The following RALGAPA1 variants were observed in gnomAD, a reference collection of about 807,000 sequenced individuals.
RALGAPA1 encodes ral GTPase-activating protein subunit alpha-1.
RALGAPA1 carries 52 observed loss-of-function variants against 269.6 expected under a neutral mutation model. The observed-to-expected ratio is 0.19, with a 90% CI of 0.15 to 0.24. The LOEUF (loss-of-function observed/expected upper bound fraction) is 0.24. Among genes scored for constraint, RALGAPA1 ranks in the 10% least tolerant of loss-of-function variants. RALGAPA1 has a pLI of 1.00. For synonymous variants in RALGAPA1, 817 were observed against 1,008.3 expected (o/e 0.81, Z 3.60); for missense variants, 1,917 against 3,013.9 (o/e 0.64, Z 8.52).
At chr14:35,708,364 G>T (rs541028368) in intron 16 of RALGAPA1, among the ~76,000 whole-genome samples, 1 of 151,898 alleles carries the variant, frequency 6.6e-6, no homozygotes, top group East Asian at 2.0e-4. Flanking sequence ...TCTGACAAGG[G>T]ATTAATAACT....
intron 31 of RALGAPA1, among the ~76,000 whole-genome samples, chr14:35,645,189 A>G (rs1403420119): frequency 6.6e-6 from 1 of 152,178 alleles, no homozygotes; most frequent in East Asian, 1.9e-4. Flanking sequence ...CTCTCTTCTT[A>G]TAAGGGCACT....
In RALGAPA1 at chr14:35,776,876, T is replaced by A. The variant is rs560997820; in HGVS notation, c.107-1131A>T. 2.2e-3 allele frequency among the ~76,000 whole-genome samples: 342 copies of A among 152,202 alleles called. 4 individuals carry two copies. Among genetic ancestry groups the A allele is most frequent in the African/African-American group, 7.9e-3 (329 of 41,522 alleles). The stretch of plus-strand genomic sequence containing the variant: ...CTAGAACTTAGAGTATAATAAAAAT[T>A]TTTTTTAAATTTACTATTTACTATG... On this transcript the variant is annotated intron_variant, in intron 1 of 41. Transcript: ENST00000680220.
intron 4 of RALGAPA1, among the ~76,000 whole-genome samples, chr14:35,765,121 A>G (rs1316910728): frequency 2.0e-5 from 3 of 152,200 alleles, no homozygotes; most frequent in African/African-American, 7.2e-5. Flanking sequence ...CATCTCAATC[A>G]TATTTCAAGT....
chr14:35,753,559 C>T (rs1023252047), intron 7 of RALGAPA1, among the ~76,000 whole-genome samples: 16 of 152,108 alleles, frequency 1.1e-4, no homozygotes, highest in Non-Finnish European at 1.9e-4. Flanking sequence ...ACCTTGAAAA[C>T]ATTTGCTAAG....
chr14:35,766,736 C>G (rs1484503461), intron 4 of RALGAPA1: 1 of 541,680 alleles, frequency 1.8e-6, no homozygotes, highest in Non-Finnish European at 3.7e-6. Context: ...AAGTGAGATG[C>G]CTCATTGCTA....
At chr14:35,595,062 A>C (rs145783192) in intron 37 of RALGAPA1, among the ~76,000 whole-genome samples, 2 of 152,024 alleles carry the variant, frequency 1.3e-5, no homozygotes, top group African/African-American at 4.8e-5. Context: ...AAAATATTGC[A>C]TGGTATCACT....
chr14:35,649,169 G>C (rs1032279687), intron 31 of RALGAPA1, among the ~76,000 whole-genome samples: 1 of 152,162 alleles, frequency 6.6e-6, no homozygotes, highest in Non-Finnish European at 1.5e-5. Context: ...AACAAACTGA[G>C]AACTGAAACT....
intron 28 of RALGAPA1, 56 bp from the exon 29 acceptor site, chr14:35,655,971 T>A (rs980166169): frequency 4.4e-6 from 7 of 1,608,412 alleles, no homozygotes; most frequent in Middle Eastern, 1.7e-4. Context: ...ACCACAAACA[T>A]GACCCACAAT....
intron 1 of RALGAPA1, among the ~76,000 whole-genome samples, chr14:35,808,517 A>T (rs2077536706): frequency 6.6e-6 from 1 of 152,214 alleles, no homozygotes; most frequent in Admixed American, 6.5e-5. Context: ...CAGACTATTA[A>T]CTCAAAATTA....
chr14:35,602,242 G>A (rs761851838), intron 36 of RALGAPA1, among the ~76,000 whole-genome samples: 16 of 152,070 alleles, frequency 1.1e-4, no homozygotes, highest in Admixed American at 5.9e-4. Context: ...TGTTTCTACC[G>A]TTTTGCTAGA....
chr14:35,768,687 C>T (rs1198372737), intron 4 of RALGAPA1, among the ~76,000 whole-genome samples: 4 of 151,732 alleles, frequency 2.6e-5, no homozygotes. Flanking sequence ...GAATAAGATC[C>T]TGTCTCTTAA....
chr14:35,557,168 G>A (rs373585626), intron 39 of RALGAPA1, among the ~76,000 whole-genome samples: 1 of 147,944 alleles, frequency 6.8e-6, no homozygotes, highest in Non-Finnish European at 1.5e-5. Context: ...AAAGTTGTAC[G>A]AAGCAAAACA....
At chr14:35,687,052 C>A (rs1274403562) in intron 18 of RALGAPA1, among the ~76,000 whole-genome samples, 1 of 152,052 alleles carries the variant, frequency 6.6e-6, no homozygotes. Flanking sequence ...GGAATACATC[C>A]TTTGAATCTA....
intron 16 of RALGAPA1, chr14:35,716,243 A>G (rs777419420): frequency 7.6e-5 from 15 of 196,866 alleles, no homozygotes; most frequent in African/African-American, 1.4e-4. Flanking sequence ...AAATACAAAA[A>G]TTAGCTAGGC....
chr14:35,806,903 C>T (rs1028506896), intron 1 of RALGAPA1, among the ~76,000 whole-genome samples: 2 of 152,102 alleles, frequency 1.3e-5, no homozygotes, highest in African/African-American at 4.8e-5. Context: ...GTATTTCAAA[C>T]AAAATAACGA....
In RALGAPA1 at chr14:35,627,253, G is replaced by A. The variant is rs2061052706; in HGVS notation, c.6694C>T (p.Leu2232Phe). Residue 2232 changes from leucine to phenylalanine, a missense_variant, in exon 34 of 42, where the codon CTT becomes TTT. Leu to Phe is a conservative substitution (Grantham distance 22). Coordinates refer to ENST00000680220, the MANE Select transcript of RALGAPA1 (RefSeq NM_001346249.2). ...KQENDVINAI[L>F]KQHTEEKEFV... ...TCTTTTTCTTCTGTATGTTGCTTAA[G>A]GATAGCATTAATAACATCATTTTCT... 1 of 1,608,438 alleles carries A rather than the reference G, an allele frequency of 6.2e-7. No homozygotes were observed. Among genetic ancestry groups the A allele is most frequent in the South Asian group, 1.1e-5 (1 of 89,328 alleles).
chr14:35,651,905 C>A, intron 30 of RALGAPA1, 32 bp from the exon 31 acceptor site: 2 of 1,537,278 alleles, frequency 1.3e-6, no homozygotes, highest in Non-Finnish European at 1.8e-6. Flanking sequence ...TTTAAAAGCT[C>A]TATATATGTC....
chr14:35,610,768 T>C (rs2059880886), intron 35 of RALGAPA1, among the ~76,000 whole-genome samples: 1 of 152,132 alleles, frequency 6.6e-6, no homozygotes, highest in South Asian at 2.1e-4. Flanking sequence ...TTAGAGCTAA[T>C]AAACAAGTTC....
At chr14:35,683,569 A>G (rs994507937) in intron 21 of RALGAPA1, 18 of 338,816 alleles carry the variant, frequency 5.3e-5, no homozygotes, top group Admixed American at 1.3e-4. Flanking sequence ...GTTCTAGTGC[A>G]TATATATACA....
Sources: allele counts gnomAD v4.1 joint callset (sites outside exome capture counted in the v4.1 genomes callset), GRCh38; gene constraint gnomAD v4.1.1; transcripts MANE v1.5; gene names NCBI Gene and HGNC (gene_info 2026-07-23, HGNC 2026-07-21).